COX7B2: variants seen among roughly 807,000 people sequenced by gnomAD.
COX7B2 encodes the protein cytochrome c oxidase subunit 7B2.
For missense variants in COX7B2, 109 were observed against 95.9 expected (o/e 1.14, Z -0.57); for synonymous variants, 37 against 32.1 (o/e 1.15, Z -0.51).
chr4:46,895,586 C>T (rs533812007), intron 1 of COX7B2, among the ~76,000 whole-genome samples: 13 of 152,084 alleles, frequency 8.5e-5, no homozygotes, highest in East Asian at 1.9e-4. Flanking sequence ...ACAACAAATC[C>T]GCATGACGCT....
intron 2 of COX7B2, among the ~76,000 whole-genome samples, chr4:46,767,113 G>C (rs1577681384): frequency 6.6e-6 from 1 of 152,248 alleles, no homozygotes; most frequent in African/African-American, 2.4e-5. Flanking sequence ...GCTGCCTACA[G>C]AGACTGAGTT....
chr4:46,798,499 A>G (rs548990203), intron 2 of COX7B2, among the ~76,000 whole-genome samples: 78 of 152,334 alleles, frequency 5.1e-4, no homozygotes, highest in African/African-American at 1.9e-3. Context: ...ACTCAGAGAT[A>G]GAAATGCCAT....
chr4:46,906,882 G>A (rs771746487), intron 1 of COX7B2, among the ~76,000 whole-genome samples: 2 of 152,046 alleles, frequency 1.3e-5, no homozygotes, highest in African/African-American at 2.4e-5. Context: ...GCCTTGTCTT[G>A]CATCCTAATT....
At chr4:46,846,519 G>A (rs1716288082) in intron 1 of COX7B2, among the ~76,000 whole-genome samples, 1 of 151,448 alleles carries the variant, frequency 6.6e-6, no homozygotes, top group South Asian at 2.1e-4. Context: ...CCATGAGGGA[G>A]GTGAGGGAGT....
intron 1 of COX7B2, among the ~76,000 whole-genome samples, chr4:46,907,664 A>G (rs1310313498): frequency 6.6e-6 from 1 of 152,058 alleles, no homozygotes; most frequent in Non-Finnish European, 1.5e-5. Flanking sequence ...CTCAAAGATC[A>G]AAAGTTATGA....
chr4:46,741,629 T>A (rs1207078282), intron 2 of COX7B2, among the ~76,000 whole-genome samples: 1 of 152,084 alleles, frequency 6.6e-6, no homozygotes, highest in Non-Finnish European at 1.5e-5. Flanking sequence ...CCCATCAACA[T>A]TTTTCCTGAA....
chr4:46,800,082 C>T (rs1383414976), intron 2 of COX7B2, among the ~76,000 whole-genome samples: 1 of 152,002 alleles, frequency 6.6e-6, no homozygotes, highest in Admixed American at 6.6e-5. Flanking sequence ...GCTGAAAAAT[C>T]TCTACAGTGA....
chr4:46,811,443 T>G (rs1354422384), intron 2 of COX7B2, among the ~76,000 whole-genome samples: 1 of 152,144 alleles, frequency 6.6e-6, no homozygotes, highest in Admixed American at 6.5e-5. Flanking sequence ...CATATATATT[T>G]TTTTTATTTC....
At chr4:46,887,493 C>T (rs748747778) in intron 1 of COX7B2, among the ~76,000 whole-genome samples, 2 of 152,024 alleles carry the variant, frequency 1.3e-5, no homozygotes, top group African/African-American at 2.4e-5. Flanking sequence ...AGGTTGATCA[C>T]GAGGTCAGGA....
chr4:46,744,247 C>G (rs1471641121), intron 2 of COX7B2, among the ~76,000 whole-genome samples: 1 of 152,044 alleles, frequency 6.6e-6, no homozygotes, highest in East Asian at 1.9e-4. Context: ...ATCCCCGCAT[C>G]CAGACAATGG....
chr4:46,828,271 C>CA (rs1366336051), intron 2 of COX7B2, among the ~76,000 whole-genome samples: 3 of 151,636 alleles, frequency 2.0e-5, no homozygotes, highest in Non-Finnish European at 2.9e-5. Context: ...TTCTGAAAAA[C>CA]AAAAAAGAAA....
chr4:46,802,729 T>A (rs1350005529), intron 2 of COX7B2, among the ~76,000 whole-genome samples: 1 of 152,152 alleles, frequency 6.6e-6, no homozygotes, highest in African/African-American at 2.4e-5. Context: ...TGGCAAAGTG[T>A]CTCATGCATT....
intron 2 of COX7B2, among the ~76,000 whole-genome samples, chr4:46,775,918 A>G (rs912184303): frequency 2.0e-5 from 3 of 152,188 alleles, no homozygotes; most frequent in African/African-American, 4.8e-5. Context: ...ACAGTCCCCA[A>G]CGTTATTCCC....
chr4:46,829,453 A>G lies in COX7B2; in HGVS notation c.-50+15507T>C, dbSNP rs201199816. On this transcript the variant is annotated intron_variant, in intron 2 of 2. Transcript: ENST00000355591. ...AACTCTTGAAAATAAGTTTATTTTAACATGCAATTTTTTTTCCAGGTAAAA... is the reference window on the plus strand; with the variant it reads ...AACTCTTGAAAATAAGTTTATTTTAGCATGCAATTTTTTTTCCAGGTAAAA... Among the ~76,000 whole-genome samples the G allele has an allele frequency of 1.7e-4, 26 of 152,326 alleles. No individual in the cohort carries two copies. In the East Asian group the frequency reaches 5.0e-3, roughly 29 times the overall value.
chr4:46,882,915 T>C (rs1450310689), intron 1 of COX7B2, among the ~76,000 whole-genome samples: 1 of 152,246 alleles, frequency 6.6e-6, no homozygotes, highest in Middle Eastern at 3.2e-3. Flanking sequence ...CACTATTCCA[T>C]ATTACTTGTG....
At chr4:46,798,436 G>A (rs907112232) in intron 2 of COX7B2, among the ~76,000 whole-genome samples, 2 of 152,184 alleles carry the variant, frequency 1.3e-5, no homozygotes, top group African/African-American at 4.8e-5. Context: ...TGTGCAAGCT[G>A]CTATTTCACT....
At chr4:46,828,781 G>A (rs549103481) in intron 2 of COX7B2, among the ~76,000 whole-genome samples, 2 of 152,182 alleles carry the variant, frequency 1.3e-5, no homozygotes, top group Admixed American at 6.5e-5. Flanking sequence ...AGTTTTCAGG[G>A]ATACACATGA....
intron 2 of COX7B2, among the ~76,000 whole-genome samples, chr4:46,754,728 G>GTGTGTGTATATA (rs1333586285): frequency 1.3e-4 from 5 of 39,866 alleles, no homozygotes; most frequent in African/African-American, 5.8e-4. Context: ...GTGTGTGTGT[G>GTGTGTGTATATA]TATATATATA....
chr4:46,742,787 G>A lies in COX7B2; in HGVS notation c.-49-7546C>T, dbSNP rs186000118. Among the ~76,000 whole-genome samples, 23 of 152,092 alleles carry A rather than the reference G, an allele frequency of 1.5e-4. No homozygotes were observed. In the East Asian group the frequency reaches 3.7e-3, roughly 24 times the overall value. ...TGTCCTCAAATGCCATATGTTGCCT[G>A]AAGAGTAAAGGGATATTGAGGTAGG... On this transcript the variant is annotated intron_variant, in intron 2 of 2. Transcript: ENST00000355591.
Sources: allele counts gnomAD v4.1 joint callset (sites outside exome capture counted in the v4.1 genomes callset), GRCh38; gene constraint gnomAD v4.1.1; transcripts MANE v1.5; gene names NCBI Gene and HGNC (gene_info 2026-07-23, HGNC 2026-07-21).